The following ST6GALNAC5 variants were observed in gnomAD, a reference collection of about 807,000 sequenced individuals.
ST6GALNAC5 encodes ST6 N-acetylgalactosaminide alpha-2,6-sialyltransferase 5, also known as alpha-N-acetylgalactosaminide alpha-2,6-sialyltransferase 5.
ST6GALNAC5 carries 27 observed loss-of-function variants against 33.6 expected under a neutral mutation model. That is an observed-to-expected ratio of 0.80 (90% CI 0.59 to 1.11). The LOEUF (loss-of-function observed/expected upper bound fraction) is 1.11, where lower values mean the gene tolerates loss of function less well. Among genes scored for constraint, ST6GALNAC5 ranks in the 50% least tolerant of loss-of-function variants. The pLI is 0.00. For synonymous variants in ST6GALNAC5, 194 were observed against 171.2 expected (o/e 1.13, Z -1.04); for missense variants, 428 against 454.0 (o/e 0.94, Z 0.52).
chr1:77,009,103 C>T (rs968292450), intron 2 of ST6GALNAC5, among the ~76,000 whole-genome samples: 1 of 152,186 alleles, frequency 6.6e-6, no homozygotes, highest in African/African-American at 2.4e-5. Flanking sequence ...CCACCACCAC[C>T]ACAACAATAA....
chr1:76,898,208 C>T (rs1009307390), intron 2 of ST6GALNAC5, among the ~76,000 whole-genome samples: 10 of 152,134 alleles, frequency 6.6e-5, no homozygotes, highest in Non-Finnish European at 1.3e-4. Flanking sequence ...GTTCCTCGGC[C>T]CAGTGGCCAG....
chr1:76,977,441 C>T (rs1204257381), intron 2 of ST6GALNAC5, among the ~76,000 whole-genome samples: 1 of 152,010 alleles, frequency 6.6e-6, no homozygotes, highest in Non-Finnish European at 1.5e-5. Flanking sequence ...AACTTTGTAC[C>T]CACTGACCAA....
intron 2 of ST6GALNAC5, among the ~76,000 whole-genome samples, chr1:76,963,345 C>CAGTT (rs1485677482): frequency 1.3e-5 from 2 of 152,174 alleles, no homozygotes; most frequent in Non-Finnish European, 2.9e-5. Context: ...GATTGCTGTG[C>CAGTT]AGTTACAACC....
chr1:76,896,129 A>G (rs1331079325), intron 2 of ST6GALNAC5, among the ~76,000 whole-genome samples: 1 of 152,222 alleles, frequency 6.6e-6, no homozygotes, highest in Non-Finnish European at 1.5e-5. Context: ...ATCAGACTGT[A>G]TAGACATGGG....
intron 2 of ST6GALNAC5, among the ~76,000 whole-genome samples, chr1:76,968,958 C>A (rs1053583874): frequency 2.0e-5 from 3 of 152,230 alleles, no homozygotes; most frequent in Admixed American, 6.5e-5. Context: ...CACTGTTACA[C>A]TGATGGTCTT....
chr1:77,020,095 G>A (rs1276243407), intron 2 of ST6GALNAC5, among the ~76,000 whole-genome samples: 2 of 152,114 alleles, frequency 1.3e-5, no homozygotes, highest in Admixed American at 1.3e-4. Flanking sequence ...AAAACTAATT[G>A]TGCTAATAAC....
chr1:77,018,740 T>G (rs1190683242), intron 2 of ST6GALNAC5, among the ~76,000 whole-genome samples: 1 of 152,208 alleles, frequency 6.6e-6, no homozygotes, highest in Non-Finnish European at 1.5e-5. Context: ...CCACAAGTTT[T>G]GAGGATTAGT....
At chr1:76,977,322 A>G (rs148807730) in intron 2 of ST6GALNAC5, among the ~76,000 whole-genome samples, 2,395 of 152,280 alleles carry the variant, frequency 0.016, 21 homozygotes, top group South Asian at 0.041. Flanking sequence ...TGGAAATATC[A>G]TACAAAATCT....
At chr1:76,947,366 G>A (rs940750630) in intron 2 of ST6GALNAC5, among the ~76,000 whole-genome samples, 2 of 152,112 alleles carry the variant, frequency 1.3e-5, no homozygotes, top group Non-Finnish European at 2.9e-5. Flanking sequence ...AGTATTGGAA[G>A]TTTATCATTC....
intron 2 of ST6GALNAC5, among the ~76,000 whole-genome samples, chr1:76,878,281 G>T (rs1653694529): frequency 6.6e-6 from 1 of 152,150 alleles, no homozygotes; most frequent in African/African-American, 2.4e-5. Context: ...CCAATGTAGG[G>T]GTTCTGCCAG....
intron 2 of ST6GALNAC5, among the ~76,000 whole-genome samples, chr1:77,009,279 C>G (rs1355087781): frequency 6.6e-6 from 1 of 151,916 alleles, no homozygotes; most frequent in African/African-American, 2.4e-5. Flanking sequence ...TTAGCTGGGC[C>G]CAGTGAGAGT....
intron 2 of ST6GALNAC5, among the ~76,000 whole-genome samples, chr1:76,928,604 A>G (rs1041152347): frequency 5.3e-5 from 8 of 152,144 alleles, no homozygotes; most frequent in African/African-American, 1.9e-4. Context: ...ATCCCAAAAA[A>G]TGAGTTGGGT....
intron 2 of ST6GALNAC5, among the ~76,000 whole-genome samples, chr1:76,874,029 C>CA (rs1002086060): frequency 6.6e-6 from 1 of 152,112 alleles, no homozygotes; most frequent in African/African-American, 2.4e-5. Context: ...AATCAGGAAG[C>CA]AATAAATCAA....
chr1:76,882,100 C>G (rs1653794559), intron 2 of ST6GALNAC5, among the ~76,000 whole-genome samples: 1 of 152,136 alleles, frequency 6.6e-6, no homozygotes, highest in Admixed American at 6.5e-5. Flanking sequence ...ATTTAAACAT[C>G]TTATTATTCT....
intron 4 of ST6GALNAC5, among the ~76,000 whole-genome samples, chr1:77,055,801 C>T (rs1009027396): frequency 6.6e-6 from 1 of 152,170 alleles, no homozygotes; most frequent in Non-Finnish European, 1.5e-5. Flanking sequence ...AGAGGAGGGC[C>T]CTGTCTCAAT....
At chr1:77,026,589 G>T (rs1465701462) in intron 2 of ST6GALNAC5, among the ~76,000 whole-genome samples, 1 of 152,196 alleles carries the variant, frequency 6.6e-6, no homozygotes, top group East Asian at 1.9e-4. Context: ...AGCATAATAT[G>T]CAGGGCTCTG....
chr1:76,922,015 G>C (rs1003559817), intron 2 of ST6GALNAC5, among the ~76,000 whole-genome samples: 5 of 151,918 alleles, frequency 3.3e-5, no homozygotes, highest in African/African-American at 1.2e-4. Flanking sequence ...ACTGAAATAA[G>C]GTAAGAAAAA....
intron 2 of ST6GALNAC5, among the ~76,000 whole-genome samples, chr1:76,927,541 T>C (rs1258592869): frequency 6.6e-6 from 1 of 152,050 alleles, no homozygotes; most frequent in African/African-American, 2.4e-5. Flanking sequence ...AAGAGAGGCA[T>C]GTTAAGAAAA....
chr1:77,059,746 T>C (rs1171543737), intron 4 of ST6GALNAC5, among the ~76,000 whole-genome samples: 1 of 152,188 alleles, frequency 6.6e-6, no homozygotes, highest in Non-Finnish European at 1.5e-5. Context: ...CCTGCGACAA[T>C]TACTGCAACG....
Sources: allele counts gnomAD v4.1 joint callset (sites outside exome capture counted in the v4.1 genomes callset), GRCh38; gene constraint gnomAD v4.1.1; transcripts MANE v1.5; gene names NCBI Gene and HGNC (gene_info 2026-07-23, HGNC 2026-07-21).